Variants in MAPK4 observed in about 807,000 individuals in gnomAD.
MAPK4 encodes mitogen-activated protein kinase 4.
A neutral mutation model predicts 47.7 loss-of-function variants in MAPK4; 22 were observed. That is an observed-to-expected ratio of 0.46 (90% CI 0.33 to 0.66). The LOEUF is 0.66. Ranked by LOEUF, MAPK4 falls within the 30% of genes least tolerant of loss-of-function variation. The pLI is 0.02. For missense variants in MAPK4, 736 were observed against 831.7 expected (o/e 0.88, Z 1.42); for synonymous variants, 390 against 365.7 (o/e 1.07, Z -0.76).
intron 1 of MAPK4, among the ~76,000 whole-genome samples, chr18:50,662,110 G>A (rs2144245900): frequency 6.6e-6 from 1 of 152,342 alleles, no homozygotes; most frequent in South Asian, 2.1e-4. Context: ...AGTTCAGATA[G>A]CAAAGTGTCT....
intron 2 of MAPK4, among the ~76,000 whole-genome samples, chr18:50,710,223 C>G (rs1004838539): frequency 1.3e-5 from 2 of 152,244 alleles, no homozygotes; most frequent in Non-Finnish European, 2.9e-5. Flanking sequence ...TGGCTCATGA[C>G]TGTAATCCCA....
intron 1 of MAPK4, among the ~76,000 whole-genome samples, chr18:50,644,182 G>C (rs1310659166): frequency 6.6e-6 from 1 of 152,022 alleles, no homozygotes; most frequent in Non-Finnish European, 1.5e-5. Context: ...AGAGGGAAGG[G>C]GGGAACAACA....
intron 1 of MAPK4, among the ~76,000 whole-genome samples, chr18:50,617,453 A>C (rs1007484): frequency 0.32 from 48,328 of 152,040 alleles, 8,206 homozygotes; most frequent in Non-Finnish European, 0.37. Context: ...GTTTTGTCAA[A>C]CATGACTTTC....
At chr18:50,613,977 T>TGGCAA (rs1404113365) in intron 1 of MAPK4, among the ~76,000 whole-genome samples, 4 of 152,240 alleles carry the variant, frequency 2.6e-5, no homozygotes, top group Non-Finnish European at 5.9e-5. Context: ...AAATTGCTGT[T>TGGCAA]TAATATATTC....
intron 2 of MAPK4, among the ~76,000 whole-genome samples, chr18:50,709,278 G>A (rs1457839877): frequency 6.6e-6 from 1 of 152,184 alleles, no homozygotes; most frequent in East Asian, 1.9e-4. Flanking sequence ...TTCTTCCAAG[G>A]AAGTGCAGTG....
chr18:50,605,469 A>T (rs1275179626), intron 1 of MAPK4, among the ~76,000 whole-genome samples: 1 of 152,198 alleles, frequency 6.6e-6, no homozygotes, highest in Non-Finnish European at 1.5e-5. Context: ...TCTAGGGCCC[A>T]ACAAAACCAG....
intron 1 of MAPK4, among the ~76,000 whole-genome samples, chr18:50,632,997 T>C (rs2042846506): frequency 6.6e-6 from 1 of 152,204 alleles, no homozygotes; most frequent in Non-Finnish European, 1.5e-5. Flanking sequence ...TTGTTTTAAT[T>C]GTCTCTTGGA....
intron 2 of MAPK4, among the ~76,000 whole-genome samples, chr18:50,692,895 G>A (rs912106418): frequency 2.0e-5 from 3 of 152,148 alleles, no homozygotes; most frequent in Admixed American, 6.5e-5. Context: ...AAGGACAGCA[G>A]CTCCTCCGTT....
intron 1 of MAPK4, among the ~76,000 whole-genome samples, chr18:50,638,222 C>G (rs2042904849): frequency 6.6e-6 from 1 of 152,212 alleles, no homozygotes; most frequent in Non-Finnish European, 1.5e-5. Flanking sequence ...TGGAAAAAAT[C>G]TCTGCCTCAT....
chr18:50,682,291 G>A (rs765091458), intron 2 of MAPK4, among the ~76,000 whole-genome samples: 23 of 151,992 alleles, frequency 1.5e-4, no homozygotes, highest in Admixed American at 7.9e-4. Flanking sequence ...GAAAAGCATC[G>A]TATATGTAGT....
intron 3 of MAPK4, among the ~76,000 whole-genome samples, chr18:50,717,459 C>T (rs1484484406): frequency 1.3e-5 from 2 of 152,116 alleles, no homozygotes; most frequent in Non-Finnish European, 2.9e-5. Context: ...GCTCCTGGGG[C>T]TACCCCACAC....
chr18:50,560,443 C>T (rs2042142686), intron 1 of MAPK4, among the ~76,000 whole-genome samples, 200 bp downstream of exon 1: 1 of 152,120 alleles, frequency 6.6e-6, no homozygotes, highest in African/African-American at 2.4e-5. Context: ...GCGGGACCCG[C>T]CCGGCTGCCC....
chr18:50,729,743 C>T lies in MAPK4; in HGVS notation c.1653C>T (p.Thr551=). Residue 551 remains threonine (T), a synonymous_variant, in exon 6 of 6, where the codon ACC becomes ACT. Transcript: ENST00000400384. ...VFISRALKLC[T]KPEDLPDNKL... Reference sequence around the variant, plus strand: ...TCTCCCGCGCCCTGAAGCTCTGCACCAAGCCCGAGGACCTGCCGGACAATA... The same window carrying T: ...TCTCCCGCGCCCTGAAGCTCTGCACTAAGCCCGAGGACCTGCCGGACAATA... The T allele has an allele frequency of 6.2e-7, 1 of 1,603,718 alleles. No individual in the cohort carries two copies.
At chr18:50,695,537 C>T (rs1004967252) in intron 2 of MAPK4, among the ~76,000 whole-genome samples, 2 of 151,948 alleles carry the variant, frequency 1.3e-5, no homozygotes, top group Admixed American at 1.3e-4. Flanking sequence ...GAGGACAGGG[C>T]GCTTGACGTG....
At chr18:50,616,620 C>G (rs1463718684) in intron 1 of MAPK4, among the ~76,000 whole-genome samples, 2 of 152,160 alleles carry the variant, frequency 1.3e-5, no homozygotes, top group Non-Finnish European at 2.9e-5. Context: ...AATAGAGAAG[C>G]CAACAGTGTA....
At chr18:50,670,264 AG>A (rs1907864024) in intron 2 of MAPK4, 1 of 152,272 alleles carries the variant, frequency 6.6e-6, no homozygotes, top group African/African-American at 2.4e-5. Flanking sequence ...AAAATACCCA[AG>A]AAGGAAAGGA....
intron 1 of MAPK4, among the ~76,000 whole-genome samples, chr18:50,599,217 G>T (rs531125672): frequency 7.2e-5 from 11 of 152,206 alleles, no homozygotes; most frequent in African/African-American, 2.6e-4. Context: ...TGTACCTTGA[G>T]AACAATAGCT....
intron 1 of MAPK4, among the ~76,000 whole-genome samples, chr18:50,578,449 G>T (rs2042316619): frequency 6.6e-6 from 1 of 152,230 alleles, no homozygotes; most frequent in Non-Finnish European, 1.5e-5. Context: ...CTGTCCAGGT[G>T]ATGCTGGTGG....
intron 1 of MAPK4, among the ~76,000 whole-genome samples, chr18:50,662,591 A>C (rs963997577): frequency 6.6e-6 from 1 of 152,250 alleles, no homozygotes; most frequent in African/African-American, 2.4e-5. Context: ...ATGTCATTAC[A>C]TCTTAGTCCC....
Sources: gnomAD v4.1 joint callset for allele counts (sites outside exome capture counted in the v4.1 genomes callset) on GRCh38, gnomAD v4.1.1 for gene constraint, MANE v1.5 for transcripts, NCBI Gene and HGNC (gene_info 2026-07-23, HGNC 2026-07-21) for gene names.